Variants in ANKMY1 observed in about 807,000 individuals in gnomAD.
ANKMY1 encodes ankyrin repeat and MYND domain-containing protein 1.
Under a neutral mutation model 102.0 loss-of-function variants are expected in ANKMY1, and 98 were observed. That is an observed-to-expected ratio of 0.96 (90% confidence interval 0.82 to 1.14). ANKMY1 has a LOEUF of 1.14. ANKMY1 is among the 50% of genes most tolerant of loss of function. The pLI, the probability that ANKMY1 is intolerant of heterozygous loss-of-function variation, is 0.00. For missense variants in ANKMY1, 1,330 were observed against 1,347.6 expected (o/e 0.99, Z 0.20); for synonymous variants, 582 against 559.9 (o/e 1.04, Z -0.56).
intron 13 of ANKMY1, among the ~76,000 whole-genome samples, chr2:240,505,204 G>A (rs1348571544): frequency 2.0e-5 from 3 of 152,050 alleles, no homozygotes; most frequent in Non-Finnish European, 2.9e-5. Flanking sequence ...GCTCAGGCCT[G>A]TAATCCCAGC....
intron 4 of ANKMY1, among the ~76,000 whole-genome samples, chr2:240,540,168 C>T (rs2088292728): frequency 6.6e-6 from 1 of 152,354 alleles, no homozygotes; most frequent in South Asian, 2.1e-4. Context: ...CCACCTATAA[C>T]CTGTAAGCCT....
intron 3 of ANKMY1, chr2:240,553,721 CCT>C (rs2091918124): frequency 1.3e-5 from 2 of 152,258 alleles, no homozygotes; most frequent in African/African-American, 4.8e-5. Context: ...ATGGTGAAAC[CCT>C]GTCTCTACTA....
chr2:240,516,396 G>A (rs557986565), intron 9 of ANKMY1, among the ~76,000 whole-genome samples: 4 of 152,162 alleles, frequency 2.6e-5, no homozygotes, highest in Non-Finnish European at 5.9e-5. Flanking sequence ...TTTACAGAAA[G>A]TATTGTCAAA....
chr2:240,532,962 C>G (rs889296848), intron 4 of ANKMY1, among the ~76,000 whole-genome samples: 1 of 152,252 alleles, frequency 6.6e-6, no homozygotes, highest in Non-Finnish European at 1.5e-5. Flanking sequence ...CCTGCCTTGG[C>G]CTTCCAAAGT....
rs373541005 is a variant in ANKMY1 at position 240,517,810 on chromosome 2, G to GA, written c.2004+2551dup. On this transcript the variant is annotated intron_variant, in intron 9 of 17. Transcript: ENST00000401804. ...GACAGAGTGGGACCCTGCCTCAAAAGAAAAAAAAGGACAATAATTCTTTCT... is the reference window on the plus strand; with the variant it reads ...GACAGAGTGGGACCCTGCCTCAAAAGAAAAAAAAAGGACAATAATTCTTTCT... Among the ~76,000 whole-genome samples, 21 of 151,504 alleles carry GA rather than the reference G, an allele frequency of 1.4e-4. 1 individual carries two copies. Among genetic ancestry groups the GA allele is most frequent in the African/African-American group, 4.8e-4 (20 of 41,382 alleles).
At chr2:240,550,082 CA>C (rs1250955821) in intron 4 of ANKMY1, among the ~76,000 whole-genome samples, 1 of 151,730 alleles carries the variant, frequency 6.6e-6, no homozygotes. Flanking sequence ...TTTATTGTGG[CA>C]TTATTCACAA....
At chr2:240,537,998 T>A (rs1176974851) in intron 4 of ANKMY1, among the ~76,000 whole-genome samples, 2 of 151,974 alleles carry the variant, frequency 1.3e-5, no homozygotes, top group Non-Finnish European at 2.9e-5. Context: ...TGCGCTGGAG[T>A]CTCTCTGAAT....
At chr2:240,484,356 A>G (rs1376159600) in intron 15 of ANKMY1, among the ~76,000 whole-genome samples, 3 of 152,242 alleles carry the variant, frequency 2.0e-5, no homozygotes, top group Non-Finnish European at 4.4e-5. Flanking sequence ...AAACAGAGAT[A>G]TAGACCAATG....
Position 240,499,819 on chromosome 2 carries a change from G to A in ANKMY1, c.2806+139C>T. ...AGCTCCTTGGACGACGGGACACAAAGGGGACAAGCCGACGAGCCCAGCCCC... is the reference window on the plus strand; with the variant it reads ...AGCTCCTTGGACGACGGGACACAAAAGGGACAAGCCGACGAGCCCAGCCCC... On this transcript the variant is annotated intron_variant, in intron 15 of 17. Coordinates refer to ENST00000401804, the MANE Select transcript of ANKMY1 (RefSeq NM_001282771.3). The surrounding 1 kb of genome is among the most constrained non-coding windows in gnomAD (Gnocchi z 4.2). The A allele has an allele frequency of 1.8e-6, 2 of 1,134,312 alleles. No individual in the cohort carries two copies. Among genetic ancestry groups the A allele is most frequent in the Non-Finnish European group, 2.4e-6 (2 of 824,416 alleles). The allele number at this position is 1,134,312 out of a possible 1,614,324, so 70.3% of individuals were successfully genotyped here.
chr2:240,537,302 G>A (rs1345613792), intron 4 of ANKMY1, among the ~76,000 whole-genome samples: 4 of 152,082 alleles, frequency 2.6e-5, no homozygotes, highest in African/African-American at 9.7e-5. Context: ...GTTCCATAAT[G>A]TGACCCTCGC....
intron 2 of ANKMY1, among the ~76,000 whole-genome samples, chr2:240,556,482 G>A (rs1053565141): frequency 1.3e-5 from 2 of 152,214 alleles, no homozygotes; most frequent in African/African-American, 4.8e-5. Flanking sequence ...GAGCACAAAG[G>A]AGATTCACTG....
chr2:240,471,060 C>A, the ANKMY1 span, among the ~76,000 whole-genome samples: 1 of 151,952 alleles, frequency 6.6e-6, no homozygotes, highest in African/African-American at 2.4e-5. Flanking sequence ...GAAGTTCTCC[C>A]TATTGCCAGA....
intron 11 of ANKMY1, 39 bp from the exon 12 acceptor site, chr2:240,509,494 AC>A (rs1424020181): frequency 2.1e-6 from 3 of 1,416,620 alleles, no homozygotes; most frequent in Non-Finnish European, 2.0e-6. Flanking sequence ...AGGCACCCCC[AC>A]CCATAAGCAG....
intron 5 of ANKMY1, among the ~76,000 whole-genome samples, chr2:240,528,363 T>C (rs1480799498): frequency 7.1e-6 from 1 of 140,542 alleles, no homozygotes; most frequent in African/African-American, 2.7e-5. Context: ...CTGGGTAGGG[T>C]AGGAGGGTTT....
In ANKMY1 at chr2:240,529,021, G is replaced by A. The variant is rs753766034; in HGVS notation, c.953+16C>T. The A allele has an allele frequency of 6.2e-7, 1 of 1,611,610 alleles. No individual in the cohort carries two copies. Among genetic ancestry groups the A allele is most frequent in the Non-Finnish European group, 8.5e-7 (1 of 1,177,874 alleles). On this transcript the variant is annotated intron_variant, in intron 5 of 17. Transcript: ENST00000401804. The surrounding 1 kb of genome is among the most constrained non-coding windows in gnomAD (Gnocchi z 4.2). Reference sequence around the variant, plus strand: ...AGTGCACGGCCCTAGGGGAGGAGCAGTAGCAGACTAGTCACCTGAACTTGT... The same window carrying A: ...AGTGCACGGCCCTAGGGGAGGAGCAATAGCAGACTAGTCACCTGAACTTGT...
rs1343651218 is a variant in ANKMY1, at chr2:240,506,077, T to C, written c.2526+1483A>G. On this transcript the variant is annotated intron_variant, in intron 13 of 17. Coordinates refer to ENST00000401804, the MANE Select transcript of ANKMY1 (RefSeq NM_001282771.3). This position sits in a 1 kb window ranked among gnomAD's most constrained non-coding sequence, Gnocchi z 4.9. ...CCGGACAAGATGCTGGGGAGCCCCC[T>C]AACCCTGGACGAGGTGCTGGGGAGC... Among the ~76,000 whole-genome samples, 2 of 151,542 alleles carry C rather than the reference T, an allele frequency of 1.3e-5. No individual in the cohort carries two copies. Among genetic ancestry groups the C allele is most frequent in the Non-Finnish European group, 2.9e-5 (2 of 67,838 alleles).
chr2:240,552,740 G>A, intron 4 of ANKMY1, 174 bp downstream of exon 4: 2 of 993,340 alleles, frequency 2.0e-6, no homozygotes, highest in Non-Finnish European at 2.9e-6. Context: ...ATGCAAGGAG[G>A]CTTTTATTTT....
At chr2:240,486,385 A>T (rs1477351740) in intron 15 of ANKMY1, among the ~76,000 whole-genome samples, 4 of 152,374 alleles carry the variant, frequency 2.6e-5, no homozygotes, top group Non-Finnish European at 5.9e-5. Context: ...AATTATTTTT[A>T]AATTGCTTTT....
At chr2:240,479,723 T>C in intron 17 of ANKMY1, 68 bp from the exon 18 acceptor site, 1 of 1,458,126 alleles carries the variant, frequency 6.9e-7, no homozygotes, top group Non-Finnish European at 9.5e-7. Flanking sequence ...GAGGCCTGGC[T>C]CCAGAACTCG....
Sources: gnomAD v4.1 joint callset for allele counts (sites outside exome capture counted in the v4.1 genomes callset) on GRCh38, gnomAD v4.1.1 for gene constraint, Gnocchi (gnomAD v3.1) non-coding constraint, MANE v1.5 for transcripts, NCBI Gene and HGNC (gene_info 2026-07-23, HGNC 2026-07-21) for gene names.